The following ATP8B4 variants were observed in gnomAD, a reference collection of about 807,000 sequenced individuals.
ATP8B4 encodes probable phospholipid-transporting ATPase IM.
In ATP8B4, 133 loss-of-function variants were observed where a neutral mutation model predicts 145.6. The ratio of observed to expected loss-of-function variants is 0.91; its 90% CI spans 0.79 to 1.05. ATP8B4 has a LOEUF of 1.05. Ranked by LOEUF, ATP8B4 falls within the 50% of genes least tolerant of loss-of-function variation. The pLI is 0.00. For synonymous variants in ATP8B4, 507 were observed against 492.9 expected (o/e 1.03, Z -0.38); for missense variants, 1,458 against 1,425.2 (o/e 1.02, Z -0.37).
chr15:49,960,915 G>A (rs749682703), intron 14 of ATP8B4, among the ~76,000 whole-genome samples: 1 of 152,056 alleles, frequency 6.6e-6, no homozygotes, highest in African/African-American at 2.4e-5. Flanking sequence ...GGTGGATCAC[G>A]AGGTCAGGAG....
At chr15:49,897,232 T>A (rs2037490406) in intron 23 of ATP8B4, 60 bp downstream of exon 23, 1 of 1,470,970 alleles carries the variant, frequency 6.8e-7, no homozygotes, top group South Asian at 1.2e-5. Flanking sequence ...GAAGAGTCAT[T>A]TGTAATATCA....
intron 7 of ATP8B4, 137 bp from the exon 8 acceptor site, chr15:50,002,360 A>G (rs2047965902): frequency 1.5e-6 from 1 of 659,662 alleles, no homozygotes; most frequent in African/African-American, 1.9e-5. Flanking sequence ...ATCCTGTTCT[A>G]CCTCTATGTC....
At chr15:49,863,181 G>A (rs769066035) in intron 26 of ATP8B4, among the ~76,000 whole-genome samples, 20 of 152,130 alleles carry the variant, frequency 1.3e-4, no homozygotes, top group Non-Finnish European at 2.5e-4. Flanking sequence ...TGCCTCAGAG[G>A]AACTTGTTAT....
At position 49,972,597 on chromosome 15, in the gene ATP8B4, T is replaced by C; in HGVS notation, c.1228A>G (p.Asn410Asp). The C allele has an allele frequency of 6.2e-7, 1 of 1,613,192 alleles. No homozygotes were observed. Among genetic ancestry groups the C allele is most frequent in the Non-Finnish European group, 8.5e-7 (1 of 1,179,254 alleles). The change falls in exon 13 of 28, where the codon AAT (asparagine) becomes GAT (aspartate). Residue 410 changes from asparagine to aspartate, a missense_variant. By Grantham distance (23) the Asn-to-Asp change is conservative. Transcript: ENST00000284509. The stretch of plus-strand genomic sequence containing the variant: ...TTTCTCTTACCATAGATTCTCCCAT[T>C]AATGGAACATCTTTTAAAGGTCATG... ...NIMTFKRCSI[N>D]GRIYGEVHDD...
chr15:49,906,903 G>GT (rs2038685741), intron 20 of ATP8B4, among the ~76,000 whole-genome samples: 1 of 152,212 alleles, frequency 6.6e-6, no homozygotes, highest in African/African-American at 2.4e-5. Context: ...GATTGGTAGT[G>GT]GATGAAGGAA....
At position 50,172,801 on chromosome 15, in the gene ATP8B4, T is replaced by G. The variant is rs182052232; in HGVS notation, c.-43+9460A>C. ...GCGCCTCTGCCCGGCCGCGACCCTG[T>G]CTGGGAAATGAGGAGTGTCTCTGCC... is the stretch of plus-strand genomic sequence containing the variant. On this transcript the variant is annotated intron_variant, in intron 1 of 3. Transcript: ENST00000558829. Among the ~76,000 whole-genome samples the G allele has an allele frequency of 1.4e-4, 21 of 150,236 alleles. 1 individual carries two copies. Among genetic ancestry groups the G allele is most frequent in the African/African-American group, 4.9e-4 (20 of 40,542 alleles).
chr15:50,034,105 T>C (rs2050650197), intron 6 of ATP8B4, among the ~76,000 whole-genome samples: 1 of 152,128 alleles, frequency 6.6e-6, no homozygotes, highest in Admixed American at 6.6e-5. Flanking sequence ...GGTCAAATAG[T>C]AGTTCTGTTT....
intron 6 of ATP8B4, among the ~76,000 whole-genome samples, chr15:50,011,592 C>T (rs1252076709): frequency 6.6e-6 from 1 of 152,140 alleles, no homozygotes; most frequent in Non-Finnish European, 1.5e-5. Flanking sequence ...CCACCCTCCA[C>T]CCAGTTCAAA....
intron 25 of ATP8B4, among the ~76,000 whole-genome samples, chr15:49,867,861 A>G (rs1371823078): frequency 6.6e-6 from 1 of 152,242 alleles, no homozygotes; most frequent in Non-Finnish European, 1.5e-5. Context: ...AAAACCAAAG[A>G]ATAGTCAATG....
At chr15:50,181,266 C>T (rs1360858011) in intron 1 of ATP8B4, among the ~76,000 whole-genome samples, 4 of 152,192 alleles carry the variant, frequency 2.6e-5, no homozygotes, top group East Asian at 1.9e-4. Flanking sequence ...TACTTAGATC[C>T]TGACCCTCCT....
chr15:49,963,650 A>G (rs2044282678), intron 13 of ATP8B4, among the ~76,000 whole-genome samples: 1 of 152,156 alleles, frequency 6.6e-6, no homozygotes, highest in South Asian at 2.1e-4. Context: ...CAGCAAACTA[A>G]CACAGGAACA....
intron 2 of ATP8B4, among the ~76,000 whole-genome samples, chr15:50,099,103 G>A (rs956306242): frequency 1.3e-5 from 2 of 151,938 alleles, no homozygotes; most frequent in Admixed American, 6.6e-5. Context: ...AATGTGTTCT[G>A]GCTCCACAAC....
intron 23 of ATP8B4, among the ~76,000 whole-genome samples, chr15:49,891,840 G>A (rs1178271408): frequency 6.6e-6 from 1 of 152,146 alleles, no homozygotes; most frequent in Non-Finnish European, 1.5e-5. Context: ...CTTGGGCCGG[G>A]CACAGTGGCT....
chr15:50,063,606 TA>T (rs2053179487), intron 3 of ATP8B4, among the ~76,000 whole-genome samples: 1 of 152,142 alleles, frequency 6.6e-6, no homozygotes, highest in Non-Finnish European at 1.5e-5. Context: ...ATGAGATTAA[TA>T]GACTCAACAG....
intron 1 of ATP8B4, among the ~76,000 whole-genome samples, chr15:50,181,532 C>G (rs969735993): frequency 2.6e-5 from 4 of 152,206 alleles, no homozygotes; most frequent in African/African-American, 9.7e-5. Flanking sequence ...AATGTCAAAG[C>G]TTGATTTCAG....
At chr15:50,097,288 A>T (rs1385235813) in intron 2 of ATP8B4, among the ~76,000 whole-genome samples, 1 of 152,164 alleles carries the variant, frequency 6.6e-6, no homozygotes, top group African/African-American at 2.4e-5. Flanking sequence ...ATCAAAGGAC[A>T]AGCACATTAC....
chr15:50,008,374 A>C (rs1322540503), intron 7 of ATP8B4, among the ~76,000 whole-genome samples: 1 of 152,178 alleles, frequency 6.6e-6, no homozygotes, highest in Non-Finnish European at 1.5e-5. Flanking sequence ...CTGTCCCTCC[A>C]AACGATAACA....
At position 49,984,948 on chromosome 15, in the gene ATP8B4, T is replaced by C. The variant is rs938023028; in HGVS notation, c.748+2443A>G. 1.3e-4 allele frequency among the ~76,000 whole-genome samples: 20 copies of C among 152,206 alleles called. No individual in the cohort carries two copies. In the East Asian group the frequency reaches 3.9e-3, roughly 29 times the overall value. ...CATAAAGAAGGCATTACCAGGGAGG[T>C]GTAGCCTAGCTGTTAATATATATTA... On this transcript the variant is annotated intron_variant, in intron 10 of 27. Transcript: ENST00000284509.
At chr15:50,104,868 C>T (rs62021717) in intron 2 of ATP8B4, among the ~76,000 whole-genome samples, 3 of 73,420 alleles carry the variant, frequency 4.1e-5, no homozygotes, top group South Asian at 4.2e-4. Context: ...ATGTTGCATA[C>T]ACACACACAC....
Sources: gnomAD v4.1 joint callset for allele counts (sites outside exome capture counted in the v4.1 genomes callset) on GRCh38, gnomAD v4.1.1 for gene constraint, MANE v1.5 for transcripts, NCBI Gene and HGNC (gene_info 2026-07-23, HGNC 2026-07-21) for gene names.